Variants in DDR2 observed in about 807,000 individuals in gnomAD.
The protein encoded by DDR2 is discoidin domain receptor tyrosine kinase 2, also known as discoidin domain-containing receptor 2.
A neutral mutation model predicts 94.9 loss-of-function variants in DDR2; 27 were observed. The observed-to-expected ratio is 0.28, with a 90% CI of 0.21 to 0.39. DDR2 has a LOEUF of 0.39. Among genes scored for constraint, DDR2 ranks in the 10% least tolerant of loss-of-function variants. The pLI is 1.00. For synonymous variants in DDR2, 382 were observed against 377.2 expected (o/e 1.01, Z -0.15); for missense variants, 783 against 1,076.0 (o/e 0.73, Z 3.81).
At chr1:162,767,490 CAT>C in intron 11 of DDR2, 131 bp downstream of exon 11, 1 of 1,358,934 alleles carries the variant, frequency 7.4e-7, no homozygotes, top group Non-Finnish European at 1.0e-6. Context: ...TACCAAGAAA[CAT>C]AGGAATGAAG....
At chr1:162,743,986 C>G (rs1662731918) in intron 3 of DDR2, among the ~76,000 whole-genome samples, 1 of 152,124 alleles carries the variant, frequency 6.6e-6, no homozygotes, top group Non-Finnish European at 1.5e-5. Flanking sequence ...TTTGGTCTGA[C>G]TTTTTTTATT....
Position 162,784,656 on chromosome 1 carries a change from C to G in DDR2, c.*4410C>G, listed in dbSNP as rs1648074352. 6.6e-6 allele frequency: 1 copy of G among 152,164 alleles called. No individual in the cohort carries two copies. Among genetic ancestry groups the G allele is most frequent in the South Asian group, 2.1e-4 (1 of 4,830 alleles). The allele number at this position is 152,164 out of a possible 1,614,324, so 9.4% of individuals were successfully genotyped here. On this transcript the variant is annotated 3_prime_UTR_variant, in exon 18 of 18. Transcript: ENST00000367921. Reference sequence around the variant, plus strand: ...TTTTCTGCTACAATTAGCTGCATTACTTGGTGCCAAAGAGCAGTGGGGAAT... The same window carrying G: ...TTTTCTGCTACAATTAGCTGCATTAGTTGGTGCCAAAGAGCAGTGGGGAAT...
intron 2 of DDR2, among the ~76,000 whole-genome samples, chr1:162,705,963 G>A (rs947485955): frequency 6.6e-6 from 1 of 152,332 alleles, no homozygotes; most frequent in Non-Finnish European, 1.5e-5. Context: ...ACAGTCTTGA[G>A]GAGGAGATAA....
chr1:162,721,827 T>A (rs1035531255), intron 3 of DDR2, among the ~76,000 whole-genome samples: 1 of 152,246 alleles, frequency 6.6e-6, no homozygotes, highest in African/African-American at 2.4e-5. Flanking sequence ...ATTAAATTAC[T>A]GAAACATTTT....
Sources: gnomAD v4.1 joint callset for allele counts (sites outside exome capture counted in the v4.1 genomes callset) on GRCh38, gnomAD v4.1.1 for gene constraint, MANE v1.5 for transcripts, NCBI Gene and HGNC (gene_info 2026-07-23, HGNC 2026-07-21) for gene names.